ARID3A: variants seen among roughly 807,000 people sequenced by gnomAD.
The protein encoded by ARID3A is AT-rich interactive domain-containing protein 3A.
Under a neutral mutation model 52.7 loss-of-function variants are expected in ARID3A, and 11 were observed. The observed-to-expected ratio is 0.21, with a 90% confidence interval of 0.13 to 0.35. ARID3A has a LOEUF of 0.35. Ranked by LOEUF, ARID3A falls within the 10% of genes least tolerant of loss-of-function variation. The pLI is 1.00. For synonymous variants in ARID3A, 404 were observed against 359.4 expected, an observed-to-expected ratio of 1.12 and a Z score of -1.40; for missense variants, 721 against 838.5, an observed-to-expected ratio of 0.86 and a Z score of 1.73.
Position 964,133 on chromosome 19 carries a change from G to T in ARID3A, c.767-115G>T. The T allele has an allele frequency of 3.7e-6, 3 of 821,618 alleles. No individual in the cohort carries two copies. Among genetic ancestry groups the T allele is most frequent in the East Asian group, 5.3e-5 (2 of 37,494 alleles). 50.9% of individuals were successfully genotyped at this position (821,618 alleles called of 1,614,324 possible). On this transcript the variant is annotated intron_variant, in intron 4 of 8. Coordinates refer to ENST00000263620, the MANE Select transcript of ARID3A (RefSeq NM_005224.3). The surrounding 1 kb of genome is among the most constrained non-coding windows in gnomAD (Gnocchi z 5.7). Reference sequence around the variant, plus strand: ...TGGGCAATGTCTGGAGACATCTGTGGTTGTCACAGCCTGGGCGGGGGAGTG... The same window carrying T: ...TGGGCAATGTCTGGAGACATCTGTGTTTGTCACAGCCTGGGCGGGGGAGTG...
intron 3 of ARID3A, among the ~76,000 whole-genome samples, chr19:939,183 A>G (rs751339855): frequency 9.2e-5 from 14 of 151,838 alleles, no homozygotes; most frequent in Non-Finnish European, 1.8e-4. Context: ...CAGTGGCGCC[A>G]TCTCGGCTCA....
At chr19:940,148 C>T (rs1432791977) in intron 3 of ARID3A, among the ~76,000 whole-genome samples, 1 of 152,086 alleles carries the variant, frequency 6.6e-6, no homozygotes, top group Non-Finnish European at 1.5e-5. Context: ...CACAGCAGGG[C>T]AGGGCCTGCC....
chr19:963,304 T>C (rs2038081276), intron 4 of ARID3A, among the ~76,000 whole-genome samples: 1 of 152,254 alleles, frequency 6.6e-6, no homozygotes, highest in African/African-American at 2.4e-5. Context: ...GAGCGCCTAC[T>C]GTATGCCACT....
chr19:971,063 G>C (rs763011474), intron 8 of ARID3A, among the ~76,000 whole-genome samples: 1 of 152,210 alleles, frequency 6.6e-6, no homozygotes, highest in Non-Finnish European at 1.5e-5. Context: ...TGGGCATCAG[G>C]GTTCTCCCTG....
At chr19:968,044 C>CAA (rs34215155) in intron 7 of ARID3A, among the ~76,000 whole-genome samples, 80 of 123,418 alleles carry the variant, frequency 6.5e-4, no homozygotes, top group South Asian at 2.8e-3. Flanking sequence ...GACTCCGTCT[C>CAA]AAAAAAAAAA....
chr19:962,598 T>C (rs1354522008), intron 4 of ARID3A, among the ~76,000 whole-genome samples: 2 of 141,000 alleles, frequency 1.4e-5, no homozygotes, highest in African/African-American at 5.2e-5. Context: ...CTCTGCAACC[T>C]CCACCTCCCA....
intron 3 of ARID3A, among the ~76,000 whole-genome samples, chr19:952,695 C>T (rs567709052): frequency 3.4e-4 from 52 of 152,312 alleles, no homozygotes; most frequent in Middle Eastern, 3.4e-3. Context: ...CCACCCCTGC[C>T]GTGGCCTCAT....
rs1035113272 is a variant in ARID3A, at chr19:947,711, G to A, written c.694-12381G>A. Among the ~76,000 whole-genome samples the A allele has an allele frequency of 1.8e-4, 28 of 152,330 alleles. No homozygotes were observed. The highest frequency in any genetic ancestry group is 5.9e-4 in the Admixed American group (9 of 15,300). ...CTTCACCACGCCAGCTTCCCGGGCCGCGCTTCATTGTCATTTCTGGAGAGT... is the reference window on the plus strand; with the variant it reads ...CTTCACCACGCCAGCTTCCCGGGCCACGCTTCATTGTCATTTCTGGAGAGT... On this transcript the variant is annotated intron_variant, in intron 3 of 8. Coordinates refer to ENST00000263620, the MANE Select transcript of ARID3A (RefSeq NM_005224.3). This position sits in a 1 kb window ranked among gnomAD's most constrained non-coding sequence, Gnocchi z 6.3.
At chr19:952,236 G>A (rs1020543381) in intron 3 of ARID3A, among the ~76,000 whole-genome samples, 1 of 151,832 alleles carries the variant, frequency 6.6e-6, no homozygotes, top group African/African-American at 2.4e-5. Flanking sequence ...CTTGAGCCCA[G>A]GAGTTTGTAC....
rs370801930 is a variant in ARID3A, at chr19:968,510, C to A, written c.1594+7C>A. ...AACGGCATCATGTACACAGGTAGGACCCCTGAGGCCACGCCCTGCCTGGAC... is the reference window on the plus strand; with the variant it reads ...AACGGCATCATGTACACAGGTAGGAACCCTGAGGCCACGCCCTGCCTGGAC... On this transcript the variant is annotated splice_region_variant and intron_variant, in intron 8 of 8. Coordinates refer to ENST00000263620, the MANE Select transcript of ARID3A (RefSeq NM_005224.3). 109 of 1,613,126 alleles carry A rather than the reference C, an allele frequency of 6.8e-5. No homozygotes were observed. The African/African-American group carries it at 1.2e-3, about 18-fold the overall frequency.
intron 4 of ARID3A, among the ~76,000 whole-genome samples, chr19:961,291 GC>G (rs962085482): frequency 1.3e-5 from 2 of 152,282 alleles, no homozygotes; most frequent in South Asian, 2.1e-4. Flanking sequence ...ACTGCCAGCC[GC>G]CCGGAAGGGA....
At chr19:958,290 G>A (rs1275544894) in intron 3 of ARID3A, 4 of 151,406 alleles carry the variant, frequency 2.6e-5, no homozygotes, top group African/African-American at 9.7e-5. Context: ...AGCCGGGCGT[G>A]GTGGCGGGCG....
At chr19:957,068 T>C (rs1222115253) in intron 3 of ARID3A, among the ~76,000 whole-genome samples, 1 of 151,916 alleles carries the variant, frequency 6.6e-6, no homozygotes, top group Non-Finnish European at 1.5e-5. Context: ...GCTTTCTAAT[T>C]ATCCCTGCCG....
At chr19:965,245 A>G in intron 6 of ARID3A, 165 bp downstream of exon 6, 2 of 772,530 alleles carry the variant, frequency 2.6e-6, no homozygotes, top group Non-Finnish European at 4.0e-6. Context: ...TATGGCAGAC[A>G]TTACCAATCC....
rs2037564392 is a variant in ARID3A, at chr19:941,914, A to G, written c.693+9172A>G. Among the ~76,000 whole-genome samples, 7 of 151,932 alleles carry G rather than the reference A, an allele frequency of 4.6e-5. No individual in the cohort carries two copies. The highest frequency in any genetic ancestry group is 4.6e-4 in the Admixed American group (7 of 15,240). On this transcript the variant is annotated intron_variant, in intron 3 of 8. Transcript: ENST00000263620. This position sits in a 1 kb window ranked among gnomAD's most constrained non-coding sequence, Gnocchi z 6.9. Reference sequence around the variant, plus strand: ...CCACGTGTGCGCACGTGTGCCCGTGACAGACGACCTTCCTGTGTGCCTGAG... The same window carrying G: ...CCACGTGTGCGCACGTGTGCCCGTGGCAGACGACCTTCCTGTGTGCCTGAG...
At chr19:943,268 GAA>G (rs869103814) in intron 3 of ARID3A, among the ~76,000 whole-genome samples, 6 of 84,906 alleles carry the variant, frequency 7.1e-5, no homozygotes, top group African/African-American at 1.3e-4. Flanking sequence ...GTCAAAAAAA[GAA>G]AAAAAAAAAA....
chr19:935,563 G>C (rs976690428), intron 3 of ARID3A, among the ~76,000 whole-genome samples: 5 of 152,088 alleles, frequency 3.3e-5, no homozygotes, highest in African/African-American at 1.2e-4. Context: ...CTGCAGCCTC[G>C]ATCTCCTGGG....
At position 932,570 on chromosome 19, in the gene ARID3A, C is replaced by T. The variant is rs2037355719; in HGVS notation, c.521C>T (p.Pro174Leu). The stretch of plus-strand genomic sequence containing the variant: ...AGCTTGGGCACCACGGCACTGTTCC[C>T]CCGAAAGGCCCAGCCACCCCAGGCC... ...PASLGTTALF[P>L]RKAQPPQAFR... Residue 174 changes from proline to leucine, a missense_variant, in exon 3 of 9, where the codon CCC (proline) becomes CTC (leucine). Coordinates refer to ENST00000263620, the MANE Select transcript of ARID3A (RefSeq NM_005224.3). 2 of 1,503,948 alleles carry T rather than the reference C, an allele frequency of 1.3e-6. No homozygotes were observed. The highest frequency in any genetic ancestry group is 2.5e-5 in the East Asian group (1 of 39,278). 93.2% of individuals were successfully genotyped at this position (1,503,948 alleles called of 1,614,324 possible). A position where few individuals can be genotyped will look rare whatever the true frequency, so the allele number is the denominator to read the frequency against.
At chr19:971,695 G>A (rs768403894) in intron 8 of ARID3A, among the ~76,000 whole-genome samples, 183 bp from the exon 9 acceptor site, 1 of 152,196 alleles carries the variant, frequency 6.6e-6, no homozygotes, top group Non-Finnish European at 1.5e-5. Flanking sequence ...GCTGAGCTGG[G>A]AGGATCACTT....
Sources: allele counts gnomAD v4.1 joint callset (sites outside exome capture counted in the v4.1 genomes callset), GRCh38; gene constraint gnomAD v4.1.1; non-coding constraint Gnocchi (gnomAD v3.1); transcripts MANE v1.5; gene names NCBI Gene and HGNC (gene_info 2026-07-23, HGNC 2026-07-21).